The following GRB14 variants were observed in gnomAD, a reference collection of about 807,000 sequenced individuals.
GRB14 encodes the protein growth factor receptor bound protein 14.
In GRB14, 38 loss-of-function variants were observed where a neutral mutation model predicts 69.1. The observed-to-expected ratio is 0.55, with a 90% confidence interval of 0.42 to 0.72. The LOEUF (loss-of-function observed/expected upper bound fraction) is 0.72. Ranked by LOEUF, GRB14 falls within the 30% of genes least tolerant of loss-of-function variation. The probability of loss-of-function intolerance (pLI) is 0.00; values close to 1 mark genes in which losing one functional copy is unlikely to be tolerated. For missense variants in GRB14, 666 were observed against 666.1 expected (o/e 1.00, Z 0.00); for synonymous variants, 247 against 241.3 (o/e 1.02, Z -0.22).
At chr2:164,497,339 C>T (rs774785816) in intron 10 of GRB14, 35 bp downstream of exon 10, 1 of 1,604,544 alleles carries the variant, frequency 6.2e-7, no homozygotes, top group Non-Finnish European at 8.5e-7. Context: ...AAACTGAAAT[C>T]ATAAATATTT....
Position 164,621,441 on chromosome 2 carries a change from C to T in GRB14, c.-132G>A. The T allele has an allele frequency of 1.7e-6, 1 of 591,388 alleles. No homozygotes were observed. Among genetic ancestry groups the T allele is most frequent in the Non-Finnish European group, 2.3e-6 (1 of 430,448 alleles). The allele number at this position is 591,388 out of a possible 1,614,324, so 36.6% of individuals were successfully genotyped here. ...AGGTGTGGTGGCCTCGCCGCCTGCG[C>T]TCGGGGCCCCGGCGGCTGAGACGCG... On this transcript the variant is annotated 5_prime_UTR_variant, in exon 1 of 14. Transcript: ENST00000263915. The surrounding 1 kb of genome is among the most constrained non-coding windows in gnomAD (Gnocchi z 6.0).
At chr2:164,528,073 T>G (rs758253870) in intron 3 of GRB14, among the ~76,000 whole-genome samples, 1 of 152,072 alleles carries the variant, frequency 6.6e-6, no homozygotes, top group Non-Finnish European at 1.5e-5. Flanking sequence ...CAGACACAGA[T>G]AGTATATACT....
At chr2:164,595,165 G>A (rs545657760) in intron 2 of GRB14, among the ~76,000 whole-genome samples, 1 of 152,176 alleles carries the variant, frequency 6.6e-6, no homozygotes, top group East Asian at 1.9e-4. Flanking sequence ...AAAGGATTTT[G>A]CAATAAACCA....
intron 2 of GRB14, among the ~76,000 whole-genome samples, chr2:164,565,586 A>G (rs1429801520): frequency 6.6e-6 from 1 of 152,170 alleles, no homozygotes; most frequent in African/African-American, 2.4e-5. Flanking sequence ...CAAGAGACTC[A>G]GTCTTCTCAT....
rs770987287 is a variant in GRB14, at chr2:164,562,183, A to G, written c.325-14367T>C. Among the ~76,000 whole-genome samples the G allele has an allele frequency of 3.3e-5, 5 of 152,312 alleles. No homozygotes were observed. In the Middle Eastern group the frequency reaches 0.017, roughly 518 times the overall value. ...ATACAGCTAAGGTTCTATTAATAGT[A>G]ACACCACTTGCCTACTGAAGCAACG... On this transcript the variant is annotated intron_variant, in intron 2 of 13. Transcript: ENST00000263915.
Position 164,502,262 on chromosome 2 carries a change from G to A in GRB14, c.1097C>T (p.Ser366Leu). 1 of 1,588,764 alleles carries A rather than the reference G, an allele frequency of 6.3e-7. No homozygotes were observed. Among genetic ancestry groups the A allele is most frequent in the Non-Finnish European group, 8.6e-7 (1 of 1,158,028 alleles). ...CAAAAATTTGGTCCTTACCATAGGT[G>A]ATATGCTCTGTGAACTGCAGCCACT... is the stretch of plus-strand genomic sequence containing the variant. ...GRSGCSSQSI[S>L]PMRSISENSL... The change falls in exon 9 of 14, where the codon TCA becomes TTA. Residue 366 changes from serine to leucine, a missense_variant. Coordinates refer to ENST00000263915, the MANE Select transcript of GRB14 (RefSeq NM_004490.3).
chr2:164,498,479 T>A (rs1334698054), intron 9 of GRB14, among the ~76,000 whole-genome samples: 1 of 152,072 alleles, frequency 6.6e-6, no homozygotes, highest in East Asian at 1.9e-4. Flanking sequence ...AAATCTCTAG[T>A]CAAGAATCCC....
At chr2:164,537,097 G>C (rs1688099877) in intron 3 of GRB14, among the ~76,000 whole-genome samples, 1 of 152,048 alleles carries the variant, frequency 6.6e-6, no homozygotes, top group African/African-American at 2.4e-5. Context: ...TGTGTCTCCC[G>C]GCCTGCTGTC....
chr2:164,606,298 C>T (rs112769387), intron 2 of GRB14, among the ~76,000 whole-genome samples: 51 of 152,200 alleles, frequency 3.4e-4, no homozygotes, highest in African/African-American at 1.1e-3. Context: ...TCATTTGCCA[C>T]GACACAATAC....
At chr2:164,511,928 C>G (rs2105270708) in intron 6 of GRB14, among the ~76,000 whole-genome samples, 1 of 152,194 alleles carries the variant, frequency 6.6e-6, no homozygotes, top group South Asian at 2.1e-4. Context: ...AGTCCCAGAC[C>G]TGGTGGCATT....
At chr2:164,589,803 T>A (rs1689618996) in intron 2 of GRB14, among the ~76,000 whole-genome samples, 1 of 152,138 alleles carries the variant, frequency 6.6e-6, no homozygotes, top group Admixed American at 6.5e-5. Flanking sequence ...TGGACCACTA[T>A]AACAAAGCAC....
intron 2 of GRB14, among the ~76,000 whole-genome samples, chr2:164,564,305 G>C (rs972295603): frequency 1.3e-5 from 2 of 152,216 alleles, no homozygotes; most frequent in Non-Finnish European, 2.9e-5. Flanking sequence ...GGCAGGCTGA[G>C]GGCCAGGCAG....
At chr2:164,567,282 G>A (rs939531192) in intron 2 of GRB14, among the ~76,000 whole-genome samples, 1 of 152,036 alleles carries the variant, frequency 6.6e-6, no homozygotes, top group Non-Finnish European at 1.5e-5. Flanking sequence ...GTAAATAAAT[G>A]GTTGACTGGA....
At chr2:164,556,807 G>A (rs1157775429) in intron 2 of GRB14, among the ~76,000 whole-genome samples, 5 of 152,068 alleles carry the variant, frequency 3.3e-5, no homozygotes, top group African/African-American at 9.7e-5. Flanking sequence ...ATGACATCAG[G>A]GACCACTGTT....
In GRB14 at chr2:164,529,757, C is replaced by T. The variant is rs553589359; in HGVS notation, c.482-2622G>A. 2.6e-5 allele frequency among the ~76,000 whole-genome samples: 4 copies of T among 152,304 alleles called. No individual in the cohort carries two copies. The South Asian group carries it at 6.2e-4, about 24-fold the overall frequency. On this transcript the variant is annotated intron_variant, in intron 3 of 13. Coordinates refer to ENST00000263915, the MANE Select transcript of GRB14 (RefSeq NM_004490.3). ...CTACTTTCTCATTCTTCTAATCCAACGTGGACACCGATAGCATAGCAAACC... is the reference window on the plus strand; with the variant it reads ...CTACTTTCTCATTCTTCTAATCCAATGTGGACACCGATAGCATAGCAAACC...
intron 2 of GRB14, among the ~76,000 whole-genome samples, chr2:164,572,036 T>C (rs954434721): frequency 6.6e-6 from 1 of 152,226 alleles, no homozygotes; most frequent in Non-Finnish European, 1.5e-5. Flanking sequence ...CTGTTTATTA[T>C]GGAGAATTCA....
intron 12 of GRB14, 66 bp downstream of exon 12, chr2:164,496,942 A>AAAT: frequency 8.0e-7 from 1 of 1,251,688 alleles, no homozygotes; most frequent in Non-Finnish European, 1.2e-6. Flanking sequence ...GCTATGGAAT[A>AAAT]AATAATTTCT....
chr2:164,549,168 C>T (rs959945525), intron 2 of GRB14, among the ~76,000 whole-genome samples: 1 of 152,150 alleles, frequency 6.6e-6, no homozygotes, highest in African/African-American at 2.4e-5. Context: ...GTATGAACCA[C>T]CACACCCAGT....
intron 2 of GRB14, among the ~76,000 whole-genome samples, chr2:164,587,614 G>T (rs927087709): frequency 9.9e-5 from 15 of 151,962 alleles, no homozygotes; most frequent in African/African-American, 3.6e-4. Context: ...TAATATTACT[G>T]CCAATAAGGA....
Sources: gnomAD v4.1 joint callset for allele counts (sites outside exome capture counted in the v4.1 genomes callset) on GRCh38, gnomAD v4.1.1 for gene constraint, Gnocchi (gnomAD v3.1) non-coding constraint, MANE v1.5 for transcripts, NCBI Gene and HGNC (gene_info 2026-07-23, HGNC 2026-07-21) for gene names.